Variants in VAMP4 observed in about 807,000 individuals in gnomAD.
The protein encoded by VAMP4 is vesicle-associated membrane protein 4.
Under a neutral mutation model 23.5 loss-of-function variants are expected in VAMP4, and 19 were observed. The ratio of observed to expected loss-of-function variants is 0.81; its 90% confidence interval spans 0.56 to 1.19. VAMP4 has a LOEUF of 1.19. Among genes scored for constraint, VAMP4 ranks in the 50% most tolerant of loss-of-function variants. VAMP4 has a pLI of 0.00. For missense variants in VAMP4, 145 were observed against 168.6 expected (o/e 0.86, Z 0.78); for synonymous variants, 31 against 51.0 (o/e 0.61, Z 1.67).
chr1:171,741,312 G>C (rs978522416), intron 1 of VAMP4, among the ~76,000 whole-genome samples: 1 of 152,134 alleles, frequency 6.6e-6, no homozygotes, highest in African/African-American at 2.4e-5. Context: ...TTCCTTGTCT[G>C]TCATCAGCCT....
At chr1:171,719,104 T>C in intron 4 of VAMP4, 67 bp downstream of exon 4, 1 of 1,438,636 alleles carries the variant, frequency 7.0e-7, no homozygotes, top group Admixed American at 1.9e-5. Flanking sequence ...GCTCACAGGC[T>C]GCAGTTTGCC....
intron 3 of VAMP4, among the ~76,000 whole-genome samples, chr1:171,723,124 A>G (rs1395637869): frequency 1.3e-5 from 2 of 152,158 alleles, no homozygotes; most frequent in Non-Finnish European, 2.9e-5. Context: ...GTGATTTTCA[A>G]AGGGGAGGGA....
At chr1:171,723,231 G>A (rs929663040) in intron 3 of VAMP4, among the ~76,000 whole-genome samples, 2 of 152,066 alleles carry the variant, frequency 1.3e-5, no homozygotes, top group African/African-American at 2.4e-5. Flanking sequence ...ACACGACTGG[G>A]GCAAAATTAA....
intron 2 of VAMP4, among the ~76,000 whole-genome samples, chr1:171,734,142 C>T (rs1655653833): frequency 6.6e-6 from 1 of 151,878 alleles, no homozygotes; most frequent in South Asian, 2.1e-4. Context: ...GTGGTGTACG[C>T]CTGTAATCCC....
At chr1:171,728,425 G>A (rs971750670) in intron 3 of VAMP4, 99 bp downstream of exon 3, 2 of 978,880 alleles carry the variant, frequency 2.0e-6, no homozygotes, top group Middle Eastern at 3.4e-4. Context: ...GTATAAGGGA[G>A]ACTACTGCAT....
chr1:171,715,018 T>G (rs897344968), intron 4 of VAMP4, among the ~76,000 whole-genome samples: 23 of 151,936 alleles, frequency 1.5e-4, no homozygotes, highest in African/African-American at 4.8e-4. Flanking sequence ...TCAGGCAGAG[T>G]AAAAGAGGCA....
intron 3 of VAMP4, among the ~76,000 whole-genome samples, chr1:171,725,194 A>T (rs1655325962): frequency 6.6e-6 from 1 of 152,158 alleles, no homozygotes; most frequent in Non-Finnish European, 1.5e-5. Context: ...TCCTTTTATG[A>T]CTGGCTTCTT....
chr1:171,729,913 C>A (rs1655505992), intron 2 of VAMP4, among the ~76,000 whole-genome samples: 1 of 152,006 alleles, frequency 6.6e-6, no homozygotes, highest in South Asian at 2.1e-4. Context: ...AAGAAAAGAT[C>A]ATTATGAATT....
intron 2 of VAMP4, among the ~76,000 whole-genome samples, chr1:171,732,292 G>C (rs1016523385): frequency 3.3e-4 from 50 of 151,782 alleles, no homozygotes; most frequent in Admixed American, 1.4e-3. Flanking sequence ...AGGCCAAAGT[G>C]GGGGGATCAC....
At chr1:171,706,521 C>CT (rs1654657926) in intron 6 of VAMP4, 103 bp from the exon 7 acceptor site, 4 of 1,055,236 alleles carry the variant, frequency 3.8e-6, no homozygotes, top group Non-Finnish European at 5.3e-6. Context: ...ATCTCATCAC[C>CT]TTAAGGTTTC....
At position 171,706,338 on chromosome 1, in the gene VAMP4, T is replaced by TA. The variant is rs1398932988; in HGVS notation, c.397+28dup. 7 of 1,588,250 alleles carry TA rather than the reference T, an allele frequency of 4.4e-6. No homozygotes were observed. In the Admixed American group the frequency reaches 8.9e-5, roughly 20 times the overall value. Reference sequence around the variant, plus strand: ...ATGAACTCCAAAATAAATGATACCCTAGGAAGTAATAATCCAATAAATACT... The same window carrying TA: ...ATGAACTCCAAAATAAATGATACCCTAAGGAAGTAATAATCCAATAAATACT... On this transcript the variant is annotated intron_variant, in intron 7 of 7. Coordinates refer to ENST00000236192, the MANE Select transcript of VAMP4 (RefSeq NM_003762.5).
chr1:171,713,287 A>G lies in VAMP4; in HGVS notation c.165-2473T>C, dbSNP rs567619316. Among the ~76,000 whole-genome samples, 7 of 132,610 alleles carry G rather than the reference A, an allele frequency of 5.3e-5. No individual in the cohort carries two copies. In the South Asian group the frequency reaches 1.6e-3, roughly 30 times the overall value. 87.0% of individuals were successfully genotyped at this position (132,610 alleles called of 152,430 possible). On this transcript the variant is annotated intron_variant, in intron 4 of 7. Coordinates refer to ENST00000236192, the MANE Select transcript of VAMP4 (RefSeq NM_003762.5). Reference sequence around the variant, plus strand: ...AGGATCAATTTTGAAATTCCCAGCCAGCTTTTTTTTTTTGTCATATGCAAG... The same window carrying G: ...AGGATCAATTTTGAAATTCCCAGCCGGCTTTTTTTTTTTGTCATATGCAAG...
intron 4 of VAMP4, among the ~76,000 whole-genome samples, chr1:171,717,749 C>T (rs750830872): frequency 3.9e-5 from 6 of 152,078 alleles, no homozygotes; most frequent in Non-Finnish European, 8.8e-5. Flanking sequence ...CTGCACCCAG[C>T]TGTATCATTA....
At chr1:171,713,101 G>A (rs1370587742) in intron 4 of VAMP4, among the ~76,000 whole-genome samples, 1 of 152,174 alleles carries the variant, frequency 6.6e-6, no homozygotes, top group Non-Finnish European at 1.5e-5. Flanking sequence ...CTATAGTGGT[G>A]CATGGGGCAG....
intron 3 of VAMP4, among the ~76,000 whole-genome samples, chr1:171,720,735 A>G (rs1277305309): frequency 2.0e-5 from 3 of 152,042 alleles, no homozygotes; most frequent in Non-Finnish European, 4.4e-5. Flanking sequence ...CATTTAATGA[A>G]GAAAAAATAA....
intron 3 of VAMP4, among the ~76,000 whole-genome samples, chr1:171,720,419 A>T (rs1655153955): frequency 6.6e-6 from 1 of 152,060 alleles, no homozygotes; most frequent in Non-Finnish European, 1.5e-5. Flanking sequence ...AGACTTCAAA[A>T]TACTTATAGA....
chr1:171,705,555 TA>T (rs1195040072), intron 7 of VAMP4, among the ~76,000 whole-genome samples: 1 of 152,142 alleles, frequency 6.6e-6, no homozygotes, highest in African/African-American at 2.4e-5. Context: ...AAAATGTCTG[TA>T]AATGACTGTG....
chr1:171,717,605 C>T (rs1655061508), intron 4 of VAMP4, among the ~76,000 whole-genome samples: 1 of 142,318 alleles, frequency 7.0e-6, no homozygotes, highest in Admixed American at 7.0e-5. Context: ...TGTACTGCAG[C>T]CATTGACCTC....
In VAMP4 at chr1:171,704,514, G is replaced by T. The variant is rs1383124387; in HGVS notation, c.418C>A (p.Arg140Ser). Residue 140 changes from arginine (R) to serine (S), a missense_variant, in exon 8 of 8, where the codon CGT becomes AGT. Physicochemically the swap from Arg to Ser is moderately radical, Grantham distance 110 (BLOSUM62 -1). Transcript: ENST00000236192. ...AGATCTCTGTCATCAAATCAAGTAC[G>T]GTATTTCATGACTATAAGAACTGTA... ...VIIILIVMKY[R>S]T 3.2e-6 allele frequency: 5 copies of T among 1,581,220 alleles called. No individual in the cohort carries two copies. The highest frequency in any genetic ancestry group is 4.3e-6 in the Non-Finnish European group (5 of 1,162,876).
Sources: gnomAD v4.1 joint callset for allele counts (sites outside exome capture counted in the v4.1 genomes callset) on GRCh38, gnomAD v4.1.1 for gene constraint, MANE v1.5 for transcripts, NCBI Gene and HGNC (gene_info 2026-07-23, HGNC 2026-07-21) for gene names.